The following ZBTB8OS variants were observed in gnomAD, a reference collection of about 807,000 sequenced individuals.
The protein encoded by ZBTB8OS is tRNA splicing ligase complex subunit 1.
Under a neutral mutation model 29.3 loss-of-function variants are expected in ZBTB8OS, and 16 were observed. The ratio of observed to expected loss-of-function variants is 0.55; its 90% confidence interval spans 0.37 to 0.83. ZBTB8OS has a LOEUF of 0.83. Ranked by LOEUF, ZBTB8OS falls within the 40% of genes least tolerant of loss-of-function variation. The probability of loss-of-function intolerance (pLI) is 0.00; values close to 1 mark genes in which losing one functional copy is unlikely to be tolerated. For synonymous variants in ZBTB8OS, 70 were observed against 64.6 expected (o/e 1.08, Z -0.40); for missense variants, 160 against 196.9 (o/e 0.81, Z 1.12).
intron 4 of ZBTB8OS, 23 bp from the exon 5 acceptor site, chr1:32,631,902 T>G: frequency 7.0e-7 from 1 of 1,437,214 alleles, no homozygotes; most frequent in South Asian, 1.4e-5. Context: ...AAAAATTTTT[T>G]AATTAAAAAA....
chr1:32,650,318 G>T, intron 1 of ZBTB8OS, 115 bp downstream of exon 1: 2 of 1,377,432 alleles, frequency 1.5e-6, no homozygotes, highest in South Asian at 2.7e-5. Context: ...GCACAAATGG[G>T]ATCATGCCTG....
chr1:32,635,891 C>A (rs187069452), intron 1 of ZBTB8OS, among the ~76,000 whole-genome samples: 2 of 152,292 alleles, frequency 1.3e-5, no homozygotes, highest in Non-Finnish European at 2.9e-5. Flanking sequence ...ACCAACCAGT[C>A]TGTCTTTCTG....
At chr1:32,623,395 A>G (rs1319640265) in intron 6 of ZBTB8OS, among the ~76,000 whole-genome samples, 1 of 152,186 alleles carries the variant, frequency 6.6e-6, no homozygotes, top group Non-Finnish European at 1.5e-5. Context: ...TCTCTGAGAC[A>G]ATTCTTTCTC....
At position 32,621,751 on chromosome 1, in the gene ZBTB8OS, C is replaced by G; in HGVS notation, c.*111G>C. 1.3e-6 allele frequency: 1 copy of G among 779,452 alleles called. No individual in the cohort carries two copies. Among genetic ancestry groups the G allele is most frequent in the Non-Finnish European group, 2.1e-6 (1 of 481,944 alleles). The allele number at this position is 779,452 out of a possible 1,614,324, so 48.3% of individuals were successfully genotyped here. ...CTTTAACTAAAATATTTCTGTTCTA[C>G]AAATTTCCATATATCAAAAAAAAGC... On this transcript the variant is annotated 3_prime_UTR_variant, in exon 7 of 7. Coordinates refer to ENST00000468695, the MANE Select transcript of ZBTB8OS (RefSeq NM_178547.5).
intron 5 of ZBTB8OS, among the ~76,000 whole-genome samples, chr1:32,628,829 G>A (rs373986370): frequency 4.8e-4 from 73 of 151,498 alleles, no homozygotes; most frequent in African/African-American, 1.7e-3. Flanking sequence ...CCACCTACTC[G>A]GGAGGCTGAG....
chr1:32,634,687 T>C, intron 2 of ZBTB8OS, 81 bp downstream of exon 2: 2 of 1,584,496 alleles, frequency 1.3e-6, no homozygotes, highest in Non-Finnish European at 1.7e-6. Flanking sequence ...GGAGAAAAAT[T>C]AAAGATAGGG....
In ZBTB8OS at chr1:32,634,630, G is replaced by A. The variant is rs977959077; in HGVS notation, c.122+138C>T. 8.9e-6 allele frequency: 10 copies of A among 1,126,040 alleles called. No individual in the cohort carries two copies. In the African/African-American group the frequency reaches 1.1e-4, roughly 12 times the overall value. 69.8% of individuals were successfully genotyped at this position (1,126,040 alleles called of 1,614,324 possible). On this transcript the variant is annotated intron_variant, in intron 2 of 6. Coordinates refer to ENST00000468695, the MANE Select transcript of ZBTB8OS (RefSeq NM_178547.5). ...GAGCCACTGAACCCTGCAAAACTGA[G>A]TGCTTTCAAACCATCATTTTCATAT...
At position 32,627,532 on chromosome 1, in the gene ZBTB8OS, T is replaced by A; in HGVS notation, c.393A>T (p.Glu131Asp). 1 of 1,613,784 alleles carries A rather than the reference T, an allele frequency of 6.2e-7. No homozygotes were observed. Among genetic ancestry groups the A allele is most frequent in the Non-Finnish European group, 8.5e-7 (1 of 1,179,798 alleles). The change falls in exon 6 of 7, where the codon GAA becomes GAT. Residue 131 changes from glutamate to aspartate, a missense_variant. By Grantham distance (45) the Glu-to-Asp change is conservative. Transcript: ENST00000468695. Reference protein sequence around the residue: ...FKLRSIGWGEEFSLSKHPQGT... With the variant: ...FKLRSIGWGEDFSLSKHPQGT... ...CCTGAGGGTGCTTGGACAATGAAAA[T>A]TCTTCTCCCCACCTTGAGAATACAA...
intron 6 of ZBTB8OS, among the ~76,000 whole-genome samples, chr1:32,626,212 A>C (rs1340544455): frequency 6.6e-6 from 1 of 152,088 alleles, no homozygotes; most frequent in Non-Finnish European, 1.5e-5. Flanking sequence ...TTTGGTATTT[A>C]GAAATATAAA....
chr1:32,650,633 G>A (rs1218615613), upstream of ZBTB8OS: 52 of 1,595,450 alleles, frequency 3.3e-5, no homozygotes, highest in African/African-American at 1.3e-5. Context: ...CACCCTTAAA[G>A]GACCACACTC....
intron 3 of ZBTB8OS, 47 bp from the exon 4 acceptor site, chr1:32,633,774 C>T (rs765887251): frequency 3.6e-5 from 55 of 1,511,664 alleles, no homozygotes; most frequent in South Asian, 3.6e-4. Flanking sequence ...TCTCTAAAAA[C>T]ATACTTGAAT....
At chr1:32,642,526 A>C (rs1366696972) in intron 1 of ZBTB8OS, among the ~76,000 whole-genome samples, 3 of 151,092 alleles carry the variant, frequency 2.0e-5, no homozygotes, top group Non-Finnish European at 4.4e-5. Flanking sequence ...AAAAAAAAAG[A>C]AATGGCCCGG....
intron 1 of ZBTB8OS, among the ~76,000 whole-genome samples, chr1:32,643,394 TG>T (rs56024900): frequency 0.97 from 147,225 of 151,412 alleles, 71,705 homozygotes; most frequent in East Asian, 1. Context: ...TTTTAGTTTT[TG>T]GTTTTTTTTT....
At chr1:32,638,772 G>C (rs529332327) in intron 1 of ZBTB8OS, among the ~76,000 whole-genome samples, 338 of 151,576 alleles carry the variant, frequency 2.2e-3, no homozygotes, top group African/African-American at 7.8e-3. Context: ...AAATTAGCTG[G>C]GGATAGTGGC....
At chr1:32,636,693 G>GAA (rs57720228) in intron 1 of ZBTB8OS, among the ~76,000 whole-genome samples, 17 of 138,184 alleles carry the variant, frequency 1.2e-4, no homozygotes, top group South Asian at 2.4e-4. Flanking sequence ...TCAAAAAATG[G>GAA]AAAAAAAAAA....
chr1:32,629,282 G>A (rs1645357087), intron 5 of ZBTB8OS, among the ~76,000 whole-genome samples: 1 of 151,936 alleles, frequency 6.6e-6, no homozygotes, highest in Admixed American at 6.6e-5. Flanking sequence ...CAGGCATGGT[G>A]GCATATGTCT....
At chr1:32,633,787 A>G (rs1452348776) in intron 3 of ZBTB8OS, 60 bp from the exon 4 acceptor site, 25 of 1,485,034 alleles carry the variant, frequency 1.7e-5, no homozygotes, top group African/African-American at 2.8e-5. Flanking sequence ...ACTTGAATTT[A>G]AAAGTGCAAT....
At chr1:32,639,726 T>C (rs1396682213) in intron 1 of ZBTB8OS, among the ~76,000 whole-genome samples, 1 of 152,062 alleles carries the variant, frequency 6.6e-6, no homozygotes, top group East Asian at 1.9e-4. Flanking sequence ...GTGAGCTGCA[T>C]TCCAGTGTGG....
At chr1:32,634,706 A>AT in intron 2 of ZBTB8OS, 62 bp downstream of exon 2, 1 of 1,608,974 alleles carries the variant, frequency 6.2e-7, no homozygotes, top group East Asian at 2.2e-5. Flanking sequence ...GGATACCAAG[A>AT]TTGAAACATT....
Sources: allele counts gnomAD v4.1 joint callset (sites outside exome capture counted in the v4.1 genomes callset), GRCh38; gene constraint gnomAD v4.1.1; transcripts MANE v1.5; gene names NCBI Gene and HGNC (gene_info 2026-07-23, HGNC 2026-07-21).